Variants in ARHGAP15 observed in about 807,000 individuals in gnomAD.
ARHGAP15 encodes the protein rho GTPase-activating protein 15.
In ARHGAP15, 51 loss-of-function variants were observed where a neutral mutation model predicts 63.7. The observed-to-expected ratio is 0.80, with a 90% CI of 0.64 to 1.01. ARHGAP15 has a LOEUF of 1.01. Among genes scored for constraint, ARHGAP15 ranks in the 50% least tolerant of loss-of-function variants. The pLI, the probability that ARHGAP15 is intolerant of heterozygous loss-of-function variation, is 0.00. For missense variants in ARHGAP15, 560 were observed against 564.6 expected, an observed-to-expected ratio of 0.99 and a Z score of 0.08; for synonymous variants, 191 against 193.8, an observed-to-expected ratio of 0.99 and a Z score of 0.12.
At chr2:143,674,122 A>G (rs1359662993) in intron 12 of ARHGAP15, among the ~76,000 whole-genome samples, 1 of 152,114 alleles carries the variant, frequency 6.6e-6, no homozygotes, top group East Asian at 1.9e-4. Flanking sequence ...CTCCTAATCC[A>G]TGACCCCAAA....
chr2:143,327,916 AAAAAT>A (rs1684330735), intron 6 of ARHGAP15, among the ~76,000 whole-genome samples: 1 of 148,570 alleles, frequency 6.7e-6, no homozygotes, highest in African/African-American at 2.6e-5. Flanking sequence ...GACAAAAAAA[AAAAAT>A]CCAAAAAGTG....
intron 11 of ARHGAP15, among the ~76,000 whole-genome samples, chr2:143,599,273 C>T (rs1199503512): frequency 6.6e-6 from 1 of 152,112 alleles, no homozygotes; most frequent in Non-Finnish European, 1.5e-5. Context: ...TGAACTCAGA[C>T]ATTTGAATAG....
At chr2:143,549,115 T>C (rs1162672434) in intron 10 of ARHGAP15, among the ~76,000 whole-genome samples, 1 of 152,140 alleles carries the variant, frequency 6.6e-6, no homozygotes, top group East Asian at 1.9e-4. Context: ...CCCTCACCAT[T>C]TATTTCCCAT....
At chr2:143,319,268 A>G (rs1200110822) in intron 6 of ARHGAP15, among the ~76,000 whole-genome samples, 1 of 148,190 alleles carries the variant, frequency 6.7e-6, no homozygotes, top group Non-Finnish European at 1.5e-5. Flanking sequence ...TCTGTTGCCC[A>G]GGCTGGAGTG....
At chr2:143,315,978 C>T (rs960998015) in intron 6 of ARHGAP15, among the ~76,000 whole-genome samples, 6 of 151,886 alleles carry the variant, frequency 4.0e-5, no homozygotes, top group Non-Finnish European at 8.8e-5. Context: ...CCCAGCTGCT[C>T]AGAGGGCTGA....
chr2:143,240,367 G>A (rs1265483916), intron 5 of ARHGAP15, among the ~76,000 whole-genome samples: 2 of 152,016 alleles, frequency 1.3e-5, no homozygotes, highest in Non-Finnish European at 2.9e-5. Flanking sequence ...ATGTGATTTA[G>A]CAAAAAGATG....
At chr2:143,276,025 T>G (rs1371898252) in intron 6 of ARHGAP15, among the ~76,000 whole-genome samples, 2 of 152,208 alleles carry the variant, frequency 1.3e-5, no homozygotes, top group African/African-American at 4.8e-5. Context: ...TTACAACAAG[T>G]TCTTTCATGA....
intron 13 of ARHGAP15, among the ~76,000 whole-genome samples, chr2:143,764,852 A>C (rs1439669088): frequency 1.3e-5 from 2 of 152,078 alleles, no homozygotes; most frequent in African/African-American, 4.8e-5. Flanking sequence ...GCCCTTTCAG[A>C]TTTCCTGGAC....
chr2:143,473,224 T>G (rs1405846055), intron 8 of ARHGAP15, among the ~76,000 whole-genome samples: 1 of 152,176 alleles, frequency 6.6e-6, no homozygotes, highest in African/African-American at 2.4e-5. Context: ...AAATTTCCAT[T>G]TTCCTTTGCA....
intron 11 of ARHGAP15, among the ~76,000 whole-genome samples, chr2:143,582,609 C>T (rs997843816): frequency 2.0e-5 from 3 of 152,166 alleles, no homozygotes; most frequent in African/African-American, 7.2e-5. Context: ...GCCAAAGTGA[C>T]AATTTGGAAA....
At chr2:143,528,835 G>A (rs2105009535) in intron 10 of ARHGAP15, among the ~76,000 whole-genome samples, 1 of 152,204 alleles carries the variant, frequency 6.6e-6, no homozygotes, top group East Asian at 1.9e-4. Flanking sequence ...GTAGGCATTT[G>A]ACGATGTATT....
intron 9 of ARHGAP15, among the ~76,000 whole-genome samples, chr2:143,488,239 A>G (rs530849977): frequency 6.6e-6 from 1 of 152,352 alleles, no homozygotes; most frequent in East Asian, 1.9e-4. Context: ...AATAAATGAC[A>G]TAGCCTATGT....
intron 2 of ARHGAP15, among the ~76,000 whole-genome samples, chr2:143,170,095 C>G (rs1465411193): frequency 1.3e-5 from 2 of 149,824 alleles, no homozygotes; most frequent in Non-Finnish European, 3.0e-5. Flanking sequence ...CACTTTTCAG[C>G]AAATGAGCTT....
chr2:143,682,443 T>C (rs1237172678), intron 12 of ARHGAP15, among the ~76,000 whole-genome samples: 1 of 152,152 alleles, frequency 6.6e-6, no homozygotes, highest in Non-Finnish European at 1.5e-5. Context: ...GAAATAGAAT[T>C]GACTTTAAAA....
intron 10 of ARHGAP15, among the ~76,000 whole-genome samples, chr2:143,544,406 T>A (rs984520861): frequency 6.6e-6 from 1 of 152,174 alleles, no homozygotes; most frequent in Admixed American, 6.5e-5. Context: ...TTTCAATCTG[T>A]GTCATAATGT....
chr2:143,265,601 T>A (rs1254792115), intron 6 of ARHGAP15, among the ~76,000 whole-genome samples: 1 of 152,196 alleles, frequency 6.6e-6, no homozygotes, highest in African/African-American at 2.4e-5. Context: ...AGTATTCCAA[T>A]AATTTCTTAA....
intron 8 of ARHGAP15, among the ~76,000 whole-genome samples, chr2:143,439,241 G>C (rs1689753859): frequency 6.6e-6 from 1 of 151,212 alleles, no homozygotes; most frequent in East Asian, 2.0e-4. Context: ...TGGCCAACAT[G>C]GTGAAACCCT....
intron 6 of ARHGAP15, chr2:143,435,386 A>G: frequency 8.6e-7 from 1 of 1,163,934 alleles, no homozygotes; most frequent in Non-Finnish European, 1.1e-6. Context: ...TCGTTCTATT[A>G]TTAAAACAAT....
intron 11 of ARHGAP15, among the ~76,000 whole-genome samples, chr2:143,612,118 C>G (rs962404080): frequency 2.0e-5 from 3 of 152,188 alleles, no homozygotes; most frequent in African/African-American, 7.2e-5. Flanking sequence ...CTAACAGAGA[C>G]CATTTAATCT....
Sources: gnomAD v4.1 joint callset for allele counts (sites outside exome capture counted in the v4.1 genomes callset) on GRCh38, gnomAD v4.1.1 for gene constraint, MANE v1.5 for transcripts, NCBI Gene and HGNC (gene_info 2026-07-23, HGNC 2026-07-21) for gene names.